Variants in PLEKHA8 observed in about 807,000 individuals in gnomAD.
PLEKHA8 encodes the protein pleckstrin homology domain containing A8, also known as pleckstrin homology domain-containing family A member 8.
A neutral mutation model predicts 68.2 loss-of-function variants in PLEKHA8; 36 were observed. The observed-to-expected ratio is 0.53, with a 90% CI of 0.40 to 0.70. The LOEUF (loss-of-function observed/expected upper bound fraction) is 0.70. Among genes scored for constraint, PLEKHA8 ranks in the 30% least tolerant of loss-of-function variants. PLEKHA8 has a pLI of 0.00. For synonymous variants in PLEKHA8, 211 were observed against 216.1 expected (o/e 0.98, Z 0.20); for missense variants, 505 against 615.4 (o/e 0.82, Z 1.90).
chr7:30,122,525 A>G (rs1022634309), intron 13 of PLEKHA8, among the ~76,000 whole-genome samples: 4 of 152,198 alleles, frequency 2.6e-5, no homozygotes, highest in Non-Finnish European at 4.4e-5. Context: ...CCACAATGTA[A>G]CTGTTGAAAT....
At chr7:30,066,069 G>A (rs1164751220) in intron 12 of PLEKHA8, among the ~76,000 whole-genome samples, 2 of 152,210 alleles carry the variant, frequency 1.3e-5, no homozygotes, top group African/African-American at 4.8e-5. Context: ...CCTGTCACTT[G>A]TCTACATCTT....
intron 13 of PLEKHA8, among the ~76,000 whole-genome samples, chr7:30,125,839 G>A (rs1796763024): frequency 6.6e-6 from 1 of 152,000 alleles, no homozygotes; most frequent in Middle Eastern, 3.4e-3. Flanking sequence ...TATAAAAATT[G>A]TGTTCCTCCA....
chr7:30,096,119 A>G (rs1339229586), intron 13 of PLEKHA8, among the ~76,000 whole-genome samples: 1 of 152,124 alleles, frequency 6.6e-6, no homozygotes, highest in Non-Finnish European at 1.5e-5. Flanking sequence ...CTTGGGCAGT[A>G]TGGCCATTTT....
intron 4 of PLEKHA8, 66 bp from the exon 5 acceptor site, chr7:30,049,158 A>AT: frequency 6.3e-7 from 1 of 1,588,804 alleles, no homozygotes; most frequent in South Asian, 1.1e-5. Context: ...CTCTAAGGAC[A>AT]TTCCACAATT....
At position 30,080,067 on chromosome 7, in the gene PLEKHA8, CCAAT is replaced by C; in HGVS notation, c.*1286_*1289del. On this transcript the variant is annotated 3_prime_UTR_variant, in exon 14 of 14. Transcript: ENST00000449726. Reference sequence around the variant, plus strand: ...GGGACCATGACTCTGAATCTGCTTACCAATCAATCTCGGTTTAATCACCAAAAGT... The same window carrying C: ...GGGACCATGACTCTGAATCTGCTTACCAATCTCGGTTTAATCACCAAAAGT... 1.0e-6 allele frequency: 1 copy of C among 985,266 alleles called. No homozygotes were observed. The highest frequency in any genetic ancestry group is 1.2e-6 in the Non-Finnish European group (1 of 829,918). 61.0% of individuals were successfully genotyped at this position (985,266 alleles called of 1,614,324 possible). A position where few individuals can be genotyped will look rare whatever the true frequency, so the allele number is the denominator to read the frequency against.
intron 12 of PLEKHA8, among the ~76,000 whole-genome samples, chr7:30,064,015 A>G (rs779462097): frequency 6.6e-6 from 1 of 152,132 alleles, no homozygotes; most frequent in African/African-American, 2.4e-5. Context: ...CAGCATGTCT[A>G]CTCATGCCCC....
At chr7:30,101,362 TTTATTTCTCACAG>T (rs1795846970) in intron 13 of PLEKHA8, among the ~76,000 whole-genome samples, 1 of 151,680 alleles carries the variant, frequency 6.6e-6, no homozygotes, top group South Asian at 2.1e-4. Flanking sequence ...ACAACGGGAG[TTTATTTCTCACAG>T]TTGTGGTGGC....
rs1002663270 is a variant in PLEKHA8 at position 30,090,125 on chromosome 7, T to C, written c.1301-28T>C. ...TTCCTGAAATGAAGGAAGGAATCTTTAGATTAAAAGAGTGCACTATGTTGT... is the reference window on the plus strand; with the variant it reads ...TTCCTGAAATGAAGGAAGGAATCTTCAGATTAAAAGAGTGCACTATGTTGT... On this transcript the variant is annotated intron_variant, in intron 12 of 12. Transcript: ENST00000258679. The C allele has an allele frequency of 2.0e-6, 3 of 1,536,582 alleles. No homozygotes were observed. The Admixed American group carries it at 6.2e-5, about 32-fold the overall frequency.
chr7:30,101,846 C>T (rs1583470261), intron 13 of PLEKHA8, among the ~76,000 whole-genome samples: 1 of 152,240 alleles, frequency 6.6e-6, no homozygotes, highest in South Asian at 2.1e-4. Flanking sequence ...AAATAGATCT[C>T]AAGGTTCAGT....
chr7:30,083,426 T>C lies in PLEKHA8; in HGVS notation c.*4639T>C, dbSNP rs1795041201. On this transcript the variant is annotated 3_prime_UTR_variant, in exon 14 of 14. Coordinates refer to ENST00000449726, the MANE Select transcript of PLEKHA8 (RefSeq NM_001197026.2). ...TCAACAATTCCATAAATATACTGTTTACTAGACCTTCCCTGTAAATGTTCC... is the reference window on the plus strand; with the variant it reads ...TCAACAATTCCATAAATATACTGTTCACTAGACCTTCCCTGTAAATGTTCC... 2.0e-6 allele frequency: 2 copies of C among 985,084 alleles called. No homozygotes were observed. Among genetic ancestry groups the C allele is most frequent in the African/African-American group, 1.7e-5 (1 of 57,236 alleles). 61.0% of individuals were successfully genotyped at this position (985,084 alleles called of 1,614,324 possible).
intron 9 of PLEKHA8, among the ~76,000 whole-genome samples, chr7:30,058,450 G>A (rs1793166672): frequency 6.8e-6 from 1 of 147,498 alleles, no homozygotes; most frequent in Admixed American, 6.8e-5. Context: ...TGTGTGTGGT[G>A]TGAGGTAGGG....
intron 1 of PLEKHA8, 93 bp downstream of exon 1, chr7:30,028,895 G>T: frequency 8.3e-7 from 1 of 1,198,814 alleles, no homozygotes. Context: ...TAGGGAGGGG[G>T]TCACGGCCCT....
rs1299509161 is a variant in PLEKHA8 at position 30,078,653 on chromosome 7, GAC to G, written c.1427_1428del (p.Asp476AlafsTer33). 6.2e-7 allele frequency: 1 copy of G among 1,613,760 alleles called. No homozygotes were observed. The highest frequency in any genetic ancestry group is 1.3e-5 in the African/African-American group (1 of 74,886). ...FVAALTVKEG[D>X]HQKEAFSIGM... is the part of the protein sequence containing the mutation. ...GGCCGCGTTAACCGTAAAGGAAGGT[GAC>G]CACCAGAAAGAAGCTTTCAGTATTG... On this transcript the variant is annotated frameshift_variant, in exon 14 of 14. Transcript: ENST00000449726. LOFTEE classifies it high-confidence loss of function.
At chr7:30,068,577 C>T (rs2127992442) in intron 12 of PLEKHA8, among the ~76,000 whole-genome samples, 1 of 152,216 alleles carries the variant, frequency 6.6e-6, no homozygotes, top group Non-Finnish European at 1.5e-5. Flanking sequence ...TTATCAACTC[C>T]TGGGAGTTCT....
At chr7:30,060,024 T>C (rs6965739) in intron 9 of PLEKHA8, among the ~76,000 whole-genome samples, 27,314 of 151,442 alleles carry the variant, frequency 0.18, 2,569 homozygotes, top group African/African-American at 0.24. Context: ...GTAATCCCAG[T>C]TACCTGGGAG....
At chr7:30,121,229 A>G (rs1309827875) in intron 13 of PLEKHA8, among the ~76,000 whole-genome samples, 1 of 152,152 alleles carries the variant, frequency 6.6e-6, no homozygotes, top group African/African-American at 2.4e-5. Context: ...GTTGGTCAGA[A>G]AGTGGCAGCT....
chr7:30,050,386 T>A lies in PLEKHA8; in HGVS notation c.598-48T>A, dbSNP rs116512618. On this transcript the variant is annotated intron_variant, in intron 5 of 13. Coordinates refer to ENST00000449726, the MANE Select transcript of PLEKHA8 (RefSeq NM_001197026.2). The stretch of plus-strand genomic sequence containing the variant: ...ATGTAATAAGATCATAAATATGCTC[T>A]GTTCAAAGTTTAACATGTGAACTTT... 2,180 of 1,537,572 alleles carry A rather than the reference T, an allele frequency of 1.4e-3. 31 individuals are homozygous for A. The African/African-American group carries it at 0.027, about 19-fold the overall frequency.
At chr7:30,072,608 T>C (rs958900915) in intron 12 of PLEKHA8, among the ~76,000 whole-genome samples, 5 of 152,276 alleles carry the variant, frequency 3.3e-5, no homozygotes, top group Admixed American at 6.5e-5. Flanking sequence ...TGCTTTTCAC[T>C]GCATAGGAAC....
intron 1 of PLEKHA8, among the ~76,000 whole-genome samples, chr7:30,041,820 CTTT>C (rs906392213): frequency 2.0e-5 from 3 of 151,216 alleles, no homozygotes; most frequent in Non-Finnish European, 4.4e-5. Flanking sequence ...TTAGGACACT[CTTT>C]TTTTTTCACA....
Sources: allele counts gnomAD v4.1 joint callset (sites outside exome capture counted in the v4.1 genomes callset), GRCh38; gene constraint gnomAD v4.1.1; transcripts MANE v1.5; gene names NCBI Gene and HGNC (gene_info 2026-07-23, HGNC 2026-07-21).